Variants in PXDNL observed in about 807,000 individuals in gnomAD.
PXDNL encodes the protein peroxidasin like, also known as probable oxidoreductase PXDNL.
In PXDNL, 145 loss-of-function variants were observed where a neutral mutation model predicts 150.8. The ratio of observed to expected loss-of-function variants is 0.96; its 90% CI spans 0.84 to 1.10. The LOEUF is 1.10. Ranked by LOEUF, PXDNL falls within the 50% of genes least tolerant of loss-of-function variation. The pLI is 0.00. For synonymous variants in PXDNL, 757 were observed against 725.7 expected, an observed-to-expected ratio of 1.04 and a Z score of -0.69; for missense variants, 2,087 against 1,873.9, an observed-to-expected ratio of 1.11 and a Z score of -2.10.
intron 17 of PXDNL, among the ~76,000 whole-genome samples, chr8:51,405,243 T>G (rs1246156981): frequency 6.6e-6 from 1 of 151,896 alleles, no homozygotes; most frequent in African/African-American, 2.4e-5. Flanking sequence ...AACCGCGGGG[T>G]GAAGGGCTCC....
intron 8 of PXDNL, among the ~76,000 whole-genome samples, chr8:51,466,211 A>G (rs28876080): frequency 0.21 from 31,196 of 151,956 alleles, 4,307 homozygotes; most frequent in African/African-American, 0.39. Context: ...ACATAGACAA[A>G]CAGAACAGAA....
chr8:51,382,822 C>T (rs1456951201), intron 17 of PXDNL, among the ~76,000 whole-genome samples: 1 of 151,938 alleles, frequency 6.6e-6, no homozygotes, highest in African/African-American at 2.4e-5. Context: ...TATAAGAGTC[C>T]AGAAAAAAAT....
intron 4 of PXDNL, among the ~76,000 whole-genome samples, chr8:51,510,682 T>A (rs139284414): frequency 1.6e-4 from 24 of 152,222 alleles, no homozygotes; most frequent in African/African-American, 5.8e-4. Context: ...CTGAGGCTCA[T>A]CGGGTGATAT....
At chr8:51,746,075 A>G (rs956611699) in intron 1 of PXDNL, among the ~76,000 whole-genome samples, 1 of 151,646 alleles carries the variant, frequency 6.6e-6, no homozygotes, top group Non-Finnish European at 1.5e-5. Flanking sequence ...TTATTTTTTA[A>G]GACACACAAT....
intron 1 of PXDNL, among the ~76,000 whole-genome samples, chr8:51,724,426 A>G (rs1309294178): frequency 6.6e-6 from 1 of 152,084 alleles, no homozygotes; most frequent in Non-Finnish European, 1.5e-5. Context: ...GTCTCCAAAC[A>G]AGGCCTGAGA....
intron 1 of PXDNL, among the ~76,000 whole-genome samples, chr8:51,780,163 G>A (rs1563319225): frequency 6.6e-6 from 1 of 151,990 alleles, no homozygotes; most frequent in Non-Finnish European, 1.5e-5. Context: ...AGTGAGCCAG[G>A]ATCACGCTGC....
intron 21 of PXDNL, among the ~76,000 whole-genome samples, chr8:51,324,338 C>T (rs1335904166): frequency 7.2e-6 from 1 of 138,344 alleles, no homozygotes; most frequent in Non-Finnish European, 1.5e-5. Context: ...TGAGAATGGA[C>T]ATCCTTGCCT....
At chr8:51,677,419 G>C (rs1176171097) in intron 1 of PXDNL, among the ~76,000 whole-genome samples, 1 of 152,210 alleles carries the variant, frequency 6.6e-6, no homozygotes, top group Non-Finnish European at 1.5e-5. Flanking sequence ...TGAGGATTTA[G>C]AGTGATAACC....
At chr8:51,414,195 A>G (rs1808731488) in intron 14 of PXDNL, among the ~76,000 whole-genome samples, 1 of 151,818 alleles carries the variant, frequency 6.6e-6, no homozygotes, top group African/African-American at 2.4e-5. Flanking sequence ...TTACCACAAT[A>G]TAGTATGATA....
At chr8:51,321,993 C>T (rs968178015) in intron 21 of PXDNL, among the ~76,000 whole-genome samples, 2 of 152,108 alleles carry the variant, frequency 1.3e-5, no homozygotes, top group Admixed American at 1.3e-4. Flanking sequence ...GAGTGGGGCT[C>T]TAACCCAATA....
chr8:51,337,459 C>G (rs577648894), intron 21 of PXDNL, among the ~76,000 whole-genome samples: 1 of 152,198 alleles, frequency 6.6e-6, no homozygotes, highest in Non-Finnish European at 1.5e-5. Flanking sequence ...CATTAACTCA[C>G]GAGGATGAAA....
intron 3 of PXDNL, among the ~76,000 whole-genome samples, chr8:51,572,151 C>T (rs2130595796): frequency 6.6e-6 from 1 of 151,746 alleles, no homozygotes; most frequent in East Asian, 1.9e-4. Flanking sequence ...GCAGCACTTG[C>T]ATGTAAATTA....
intron 2 of PXDNL, among the ~76,000 whole-genome samples, chr8:51,650,581 T>C (rs1352077259): frequency 6.6e-6 from 1 of 152,172 alleles, no homozygotes; most frequent in Non-Finnish European, 1.5e-5. Flanking sequence ...CAGGCCCTGT[T>C]GCTTGTGGAA....
chr8:51,335,358 G>C (rs1422297796), intron 21 of PXDNL, among the ~76,000 whole-genome samples: 1 of 152,090 alleles, frequency 6.6e-6, no homozygotes, highest in Non-Finnish European at 1.5e-5. Flanking sequence ...ATAAGATTTG[G>C]AAGGAGACGC....
chr8:51,525,358 T>C (rs1811747967), intron 4 of PXDNL, among the ~76,000 whole-genome samples: 1 of 152,206 alleles, frequency 6.6e-6, no homozygotes, highest in Admixed American at 6.5e-5. Flanking sequence ...ATTCAAACGA[T>C]ACAGAAAAGT....
intron 3 of PXDNL, among the ~76,000 whole-genome samples, chr8:51,559,736 G>T (rs1563464464): frequency 6.6e-6 from 1 of 151,906 alleles, no homozygotes; most frequent in Non-Finnish European, 1.5e-5. Flanking sequence ...TAGAACCCTG[G>T]CTCCTAAGGA....
At chr8:51,406,531 G>A (rs761279812) in intron 17 of PXDNL, among the ~76,000 whole-genome samples, 34 of 152,130 alleles carry the variant, frequency 2.2e-4, no homozygotes, top group African/African-American at 2.9e-4. Context: ...TTTAAAACCC[G>A]TCCCCTATTA....
chr8:51,391,372 T>C (rs1447407943), intron 17 of PXDNL, among the ~76,000 whole-genome samples: 18 of 152,150 alleles, frequency 1.2e-4, no homozygotes, highest in Admixed American at 8.5e-4. Flanking sequence ...TGTAAAAGTG[T>C]TCCTATTTCT....
At chr8:51,449,356 C>T (rs1439719443) in intron 10 of PXDNL, among the ~76,000 whole-genome samples, 1 of 152,162 alleles carries the variant, frequency 6.6e-6, no homozygotes, top group Non-Finnish European at 1.5e-5. Flanking sequence ...CAAGAAGAAA[C>T]CATTTCTAAA....
Sources: gnomAD v4.1 joint callset for allele counts (sites outside exome capture counted in the v4.1 genomes callset) on GRCh38, gnomAD v4.1.1 for gene constraint, MANE v1.5 for transcripts, NCBI Gene and HGNC (gene_info 2026-07-23, HGNC 2026-07-21) for gene names.